PGM3: variants seen among roughly 807,000 people sequenced by gnomAD.
PGM3 encodes phosphoacetylglucosamine mutase.
In PGM3, 40 loss-of-function variants were observed where a neutral mutation model predicts 66.2. The observed-to-expected ratio is 0.60, with a 90% confidence interval of 0.47 to 0.79. The LOEUF is 0.79. Among genes scored for constraint, PGM3 ranks in the 30% least tolerant of loss-of-function variants. PGM3 has a pLI of 0.00. For missense variants in PGM3, 537 were observed against 643.4 expected (o/e 0.83, Z 1.79); for synonymous variants, 191 against 224.2 (o/e 0.85, Z 1.32).
At chr6:83,151,902 T>C in the PGM3 span, 1 of 1,613,844 alleles carries the variant, frequency 6.2e-7, no homozygotes, top group Non-Finnish European at 8.5e-7. Flanking sequence ...CACAAAATAG[T>C]GGATGCAATT....
intron 10 of PGM3, among the ~76,000 whole-genome samples, chr6:83,173,297 AAAG>A (rs1787450038): frequency 1.3e-5 from 2 of 152,212 alleles, no homozygotes. Flanking sequence ...AAGGTATAAC[AAAG>A]AATACTGAAA....
At position 83,166,202 on chromosome 6, in the gene PGM3, C is replaced by T; in HGVS notation, c.*3032G>A. 1 of 509,046 alleles carries T rather than the reference C, an allele frequency of 2.0e-6. No individual in the cohort carries two copies. Among genetic ancestry groups the T allele is most frequent in the South Asian group, 3.9e-5 (1 of 25,680 alleles). 31.5% of individuals were successfully genotyped at this position (509,046 alleles called of 1,614,324 possible). A position where few individuals can be genotyped will look rare whatever the true frequency, so the allele number is the denominator to read the frequency against. On this transcript the variant is annotated 3_prime_UTR_variant, in exon 13 of 13. Coordinates refer to ENST00000513973, the MANE Select transcript of PGM3 (RefSeq NM_015599.3). ...CATTTATTGAGCTTTTTCACCTTTT[C>T]AATTTGCTTCAAATGCCGAACGACC...
downstream of PGM3, chr6:83,158,605 T>A (rs1205932237): frequency 1.2e-6 from 2 of 1,607,122 alleles, no homozygotes; most frequent in Non-Finnish European, 1.7e-6. Context: ...AACTCACTGC[T>A]GATGAAGATA....
chr6:83,152,083 G>C, the PGM3 span: 1 of 1,598,344 alleles, frequency 6.3e-7, no homozygotes, highest in Non-Finnish European at 8.6e-7. Context: ...TATTTACTAA[G>C]AAATCATTTT....
At chr6:83,161,493 T>A (rs1036915126), downstream of PGM3, among the ~76,000 whole-genome samples, 3 of 152,156 alleles carry the variant, frequency 2.0e-5, no homozygotes, top group African/African-American at 7.2e-5. Flanking sequence ...GTAAAAGATA[T>A]TTTCGATGTA....
the PGM3 span, chr6:83,148,916 C>A: frequency 2.7e-6 from 3 of 1,123,488 alleles, no homozygotes; most frequent in Middle Eastern, 2.3e-4. Context: ...GTTAATTGTC[C>A]TAGTTGCCAA....
At chr6:83,182,260 C>A (rs1310854332) in intron 5 of PGM3, among the ~76,000 whole-genome samples, 1 of 152,126 alleles carries the variant, frequency 6.6e-6, no homozygotes, top group African/African-American at 2.4e-5. Flanking sequence ...AGCACACAGA[C>A]AAATGGGCAG....
At chr6:83,192,214 G>A (rs1285134394) in intron 1 of PGM3, among the ~76,000 whole-genome samples, 3 of 152,264 alleles carry the variant, frequency 2.0e-5, no homozygotes, top group East Asian at 1.9e-4. Flanking sequence ...GCAGTGAGCC[G>A]AGATCGCGCC....
At chr6:83,156,764 A>C (rs115612884), downstream of PGM3, among the ~76,000 whole-genome samples, 1,658 of 152,288 alleles carry the variant, frequency 0.011, 39 homozygotes, top group African/African-American at 0.037. Flanking sequence ...AAGACAAATG[A>C]TTCCTTGTTT....
chr6:83,177,367 G>C (rs1182780928), intron 8 of PGM3, among the ~76,000 whole-genome samples: 2 of 151,988 alleles, frequency 1.3e-5, no homozygotes, highest in Non-Finnish European at 2.9e-5. Flanking sequence ...CAAGTAGTGT[G>C]GTGCCAAGGG....
intron 1 of PGM3, among the ~76,000 whole-genome samples, chr6:83,192,780 G>C (rs1294770715): frequency 6.6e-6 from 1 of 151,872 alleles, no homozygotes; most frequent in Non-Finnish European, 1.5e-5. Context: ...ATGCCTCTGC[G>C]AATGCCTTTA....
At chr6:83,181,678 G>A in intron 6 of PGM3, 58 bp downstream of exon 6, 1 of 1,177,226 alleles carries the variant, frequency 8.5e-7, no homozygotes, top group Non-Finnish European at 1.2e-6. Context: ...TAGTTTATAA[G>A]TGAGATTGGC....
the PGM3 span, chr6:83,151,776 C>A: frequency 7.0e-7 from 1 of 1,432,550 alleles, no homozygotes; most frequent in South Asian, 1.3e-5. Flanking sequence ...CTATGGGAAT[C>A]AACAAGTCTA....
In PGM3 at chr6:83,190,843, A is replaced by G. The variant is rs1304828080; in HGVS notation, c.170T>C (p.Ile57Thr). ...GTGGGACGCTGTTACCATGACTCCT[A>G]TAGTGGATTTTGTCTGTTTTGACCT... ...VLRSKQTKST[I>T]GVMVTASHNP... The change falls in exon 2 of 13, where the codon ATA becomes ACA. Residue 57 changes from isoleucine to threonine, a missense_variant. Transcript: ENST00000513973. 4.3e-6 allele frequency: 7 copies of G among 1,614,034 alleles called. No individual in the cohort carries two copies. Among genetic ancestry groups the G allele is most frequent in the African/African-American group, 2.7e-5 (2 of 75,036 alleles).
At position 83,166,662 on chromosome 6, in the gene PGM3, G is replaced by T; in HGVS notation, c.*2572C>A. 8.0e-7 allele frequency: 1 copy of T among 1,244,542 alleles called. No homozygotes were observed. The highest frequency in any genetic ancestry group is 1.0e-6 in the Non-Finnish European group (1 of 973,120). The allele number at this position is 1,244,542 out of a possible 1,614,324, so 77.1% of individuals were successfully genotyped here. On this transcript the variant is annotated 3_prime_UTR_variant, in exon 13 of 13. Transcript: ENST00000513973. ...GGCAAATTTCAACAATGCAAAAACC[G>T]CAATTACGTTTGCACCAACCTAATA...
At chr6:83,152,098 A>G in the PGM3 span, 1 of 1,566,396 alleles carries the variant, frequency 6.4e-7, no homozygotes, top group African/African-American at 1.4e-5. Context: ...CATTTTGCCT[A>G]GCACTATAAG....
the PGM3 span, among the ~76,000 whole-genome samples, chr6:83,150,244 C>T: frequency 3.9e-5 from 6 of 152,088 alleles, no homozygotes; most frequent in African/African-American, 7.2e-5. Flanking sequence ...CATAGTCACA[C>T]GTGCCTGTAG....
In PGM3 at chr6:83,167,448, T is replaced by C; in HGVS notation, c.*1786A>G. On this transcript the variant is annotated 3_prime_UTR_variant, in exon 13 of 13. Transcript: ENST00000513973. ...CTAATTATAATAAAAGGGGATATAT[T>C]ATGAAATGTATAAAGCACTTTGTTC... The C allele has an allele frequency of 1.0e-6, 1 of 984,278 alleles. No individual in the cohort carries two copies. The highest frequency in any genetic ancestry group is 1.1e-4 in the East Asian group (1 of 8,856). 61.0% of individuals were successfully genotyped at this position (984,278 alleles called of 1,614,324 possible).
At chr6:83,179,295 G>C (rs1378400539) in intron 7 of PGM3, among the ~76,000 whole-genome samples, 3 of 137,168 alleles carry the variant, frequency 2.2e-5, no homozygotes, top group Non-Finnish European at 4.6e-5. Context: ...CTGGGCAACA[G>C]AGCAACACTG....
Sources: allele counts gnomAD v4.1 joint callset (sites outside exome capture counted in the v4.1 genomes callset), GRCh38; gene constraint gnomAD v4.1.1; transcripts MANE v1.5; gene names NCBI Gene and HGNC (gene_info 2026-07-23, HGNC 2026-07-21).